The following CDH12 variants were observed in gnomAD, a reference collection of about 807,000 sequenced individuals.
CDH12 encodes the protein cadherin 12.
A neutral mutation model predicts 74.1 loss-of-function variants in CDH12; 41 were observed. That is an observed-to-expected ratio of 0.55 (90% CI 0.43 to 0.72). CDH12 has a LOEUF of 0.72. Among genes scored for constraint, CDH12 ranks in the 30% least tolerant of loss-of-function variants. CDH12 has a pLI of 0.00. For synonymous variants in CDH12, 399 were observed against 355.0 expected, an observed-to-expected ratio of 1.12 and a Z score of -1.39; for missense variants, 945 against 977.2, an observed-to-expected ratio of 0.97 and a Z score of 0.44.
chr5:21,927,807 C>A (rs1295144831), intron 6 of CDH12, among the ~76,000 whole-genome samples: 3 of 151,774 alleles, frequency 2.0e-5, no homozygotes, highest in African/African-American at 7.3e-5. Context: ...CGGTGGCTCA[C>A]GTCTGTAATC....
chr5:22,077,149 G>A (rs1742388875), intron 5 of CDH12, among the ~76,000 whole-genome samples: 1 of 152,006 alleles, frequency 6.6e-6, no homozygotes, highest in East Asian at 1.9e-4. Context: ...TTGATTTGGG[G>A]TGACTCAATT....
At chr5:21,900,027 C>T (rs867145597) in intron 6 of CDH12, among the ~76,000 whole-genome samples, 3 of 152,060 alleles carry the variant, frequency 2.0e-5, no homozygotes, top group Non-Finnish European at 4.4e-5. Flanking sequence ...TTTTATATAT[C>T]TAGCTAGATA....
At chr5:22,218,352 G>A (rs1751897264) in intron 3 of CDH12, among the ~76,000 whole-genome samples, 1 of 151,740 alleles carries the variant, frequency 6.6e-6, no homozygotes, top group African/African-American at 2.4e-5. Context: ...GTCAACAGGT[G>A]AGTGAATAAA....
At chr5:21,983,730 T>C (rs1757405346) in intron 5 of CDH12, among the ~76,000 whole-genome samples, 1 of 152,192 alleles carries the variant, frequency 6.6e-6, no homozygotes, top group South Asian at 2.1e-4. Context: ...ATGTATCATA[T>C]ATATTTCACT....
At chr5:22,032,375 TC>T (rs1295632154) in intron 5 of CDH12, among the ~76,000 whole-genome samples, 1 of 152,076 alleles carries the variant, frequency 6.6e-6, no homozygotes, top group East Asian at 1.9e-4. Context: ...CTAGCCTTGA[TC>T]CTTGCCTGTG....
intron 3 of CDH12, among the ~76,000 whole-genome samples, chr5:22,355,742 C>T (rs1009083325): frequency 1.2e-4 from 18 of 152,006 alleles, no homozygotes; most frequent in African/African-American, 2.7e-4. Flanking sequence ...ATGGGGCTCC[C>T]GGGGTGATGT....
chr5:22,163,181 C>G (rs1248753581), intron 4 of CDH12, among the ~76,000 whole-genome samples: 1 of 152,104 alleles, frequency 6.6e-6, no homozygotes, highest in Non-Finnish European at 1.5e-5. Context: ...GCTCCCGGCC[C>G]CCTCTGACGT....
At chr5:22,013,196 A>G (rs1737397607) in intron 5 of CDH12, among the ~76,000 whole-genome samples, 1 of 152,212 alleles carries the variant, frequency 6.6e-6, no homozygotes, top group Admixed American at 6.5e-5. Context: ...AGGAAATCAT[A>G]GCAGAAGTTG....
chr5:21,913,335 AT>A (rs536523442), intron 6 of CDH12, among the ~76,000 whole-genome samples: 27 of 152,046 alleles, frequency 1.8e-4, no homozygotes, highest in Non-Finnish European at 2.4e-4. Context: ...AATCATCACA[AT>A]TTTTTTTAAT....
At chr5:22,397,714 G>A (rs1427826409) in intron 3 of CDH12, among the ~76,000 whole-genome samples, 6 of 152,048 alleles carry the variant, frequency 3.9e-5, no homozygotes, top group South Asian at 2.1e-4. Context: ...TCCAAAAATC[G>A]TAAGTTGAAG....
chr5:21,832,900 TAATATATGATATA>T (rs1561223999), intron 8 of CDH12, among the ~76,000 whole-genome samples: 20 of 83,822 alleles, frequency 2.4e-4, no homozygotes, highest in East Asian at 1.9e-3. Flanking sequence ...ATATATCATA[TAATATATGATATA>T]ATATTAATAT....
chr5:21,867,385 C>A (rs575639750), intron 6 of CDH12, among the ~76,000 whole-genome samples: 1 of 152,028 alleles, frequency 6.6e-6, no homozygotes, highest in Admixed American at 6.6e-5. Flanking sequence ...AGAATTAAGG[C>A]TTGGGAACCT....
At chr5:22,446,899 T>C (rs1343464675) in intron 2 of CDH12, among the ~76,000 whole-genome samples, 2 of 152,112 alleles carry the variant, frequency 1.3e-5, no homozygotes, top group African/African-American at 2.4e-5. Context: ...AGTCAATGAA[T>C]CAAAATAGCC....
intron 1 of CDH12, among the ~76,000 whole-genome samples, chr5:22,770,588 C>T (rs919434370): frequency 2.6e-5 from 4 of 152,068 alleles, no homozygotes; most frequent in African/African-American, 9.7e-5. Flanking sequence ...CCTTTGGCTA[C>T]ATGGTATCAT....
At chr5:22,081,334 T>C (rs936306889) in intron 4 of CDH12, among the ~76,000 whole-genome samples, 10 of 152,256 alleles carry the variant, frequency 6.6e-5, no homozygotes, top group African/African-American at 2.2e-4. Context: ...CGTGTAAGCA[T>C]GGTAATGTAT....
At chr5:22,852,251 GTACAGAGGTTCTAAA>G (rs1737590798) in intron 1 of CDH12, among the ~76,000 whole-genome samples, 7 of 152,182 alleles carry the variant, frequency 4.6e-5, no homozygotes, top group Admixed American at 4.6e-4. Context: ...GTACTCTGAA[GTACAGAGGTTCTAAA>G]TACACTGTGG....
intron 1 of CDH12, among the ~76,000 whole-genome samples, chr5:22,714,976 C>T (rs1743497250): frequency 6.6e-6 from 1 of 152,242 alleles, no homozygotes; most frequent in East Asian, 1.9e-4. Context: ...TGGTGCATCT[C>T]TCAGAACGTC....
intron 6 of CDH12, among the ~76,000 whole-genome samples, chr5:21,966,925 G>A (rs2150115028): frequency 6.6e-6 from 1 of 152,254 alleles, no homozygotes; most frequent in African/African-American, 2.4e-5. Flanking sequence ...GAGGTTCCAA[G>A]TCTTTCATCA....
At chr5:22,821,547 T>C (rs4588550) in intron 1 of CDH12, among the ~76,000 whole-genome samples, 101,403 of 151,870 alleles carry the variant, frequency 0.67, 34,066 homozygotes, top group Admixed American at 0.7. Flanking sequence ...TCTCAGGATA[T>C]AAAATCAATG....
Sources: gnomAD v4.1 joint callset for allele counts (sites outside exome capture counted in the v4.1 genomes callset) on GRCh38, gnomAD v4.1.1 for gene constraint, MANE v1.5 for transcripts, NCBI Gene and HGNC (gene_info 2026-07-23, HGNC 2026-07-21) for gene names.